Variants in TNFSF4 observed in about 807,000 individuals in gnomAD.
TNFSF4 encodes TNF superfamily member 4, also known as tumor necrosis factor ligand superfamily member 4.
A neutral mutation model predicts 7.3 loss-of-function variants in TNFSF4; 4 were observed. The ratio of observed to expected loss-of-function variants is 0.55; its 90% CI spans 0.27 to 1.25. The LOEUF (loss-of-function observed/expected upper bound fraction) is 1.25, where lower values mean the gene tolerates loss of function less well. Ranked by LOEUF, TNFSF4 falls within the 50% of genes most tolerant of loss-of-function variation. TNFSF4 has a pLI of 0.12. For missense variants in TNFSF4, 181 were observed against 208.8 expected (o/e 0.87, Z 0.82); for synonymous variants, 76 against 83.7 (o/e 0.91, Z 0.50).
At chr1:173,306,848 C>A in the TNFSF4 span, among the ~76,000 whole-genome samples, 1 of 151,888 alleles carries the variant, frequency 6.6e-6, no homozygotes, top group Non-Finnish European at 1.5e-5. Flanking sequence ...TGGATTCGAA[C>A]TTCCCTGACT....
At chr1:173,362,357 G>A in the TNFSF4 span, 2 of 342,542 alleles carry the variant, frequency 5.8e-6, no homozygotes, top group East Asian at 6.7e-5. Flanking sequence ...TACAGTTCAT[G>A]TTGCACTCAT....
chr1:173,448,808 C>T, the TNFSF4 span, among the ~76,000 whole-genome samples: 4 of 152,102 alleles, frequency 2.6e-5, no homozygotes, highest in Non-Finnish European at 5.9e-5. Context: ...GCCATCTGGG[C>T]GTATAAGTGC....
At chr1:173,374,855 T>C in the TNFSF4 span, among the ~76,000 whole-genome samples, 2 of 152,192 alleles carry the variant, frequency 1.3e-5, no homozygotes, top group African/African-American at 2.4e-5. Flanking sequence ...CCCCTACTTA[T>C]AGGGTTAGGA....
the TNFSF4 span, among the ~76,000 whole-genome samples, chr1:173,230,243 T>G: frequency 2.0e-5 from 3 of 152,194 alleles, no homozygotes; most frequent in Non-Finnish European, 2.9e-5. Flanking sequence ...CAGACCACAG[T>G]GCAATCAAAT....
At chr1:173,376,413 G>C in the TNFSF4 span, among the ~76,000 whole-genome samples, 1 of 152,138 alleles carries the variant, frequency 6.6e-6, no homozygotes, top group African/African-American at 2.4e-5. Flanking sequence ...CACAGGGAGG[G>C]GAACATCACA....
chr1:173,306,020 A>T, the TNFSF4 span, among the ~76,000 whole-genome samples: 1 of 151,894 alleles, frequency 6.6e-6, no homozygotes, highest in Non-Finnish European at 1.5e-5. Flanking sequence ...TCACTCTCAG[A>T]TAATAAAATA....
chr1:173,371,577 A>G, the TNFSF4 span, among the ~76,000 whole-genome samples: 2 of 152,150 alleles, frequency 1.3e-5, no homozygotes, highest in Non-Finnish European at 2.9e-5. Flanking sequence ...GTTACAGGAT[A>G]TTGTCAGACA....
At chr1:173,347,158 G>C in the TNFSF4 span, among the ~76,000 whole-genome samples, 1 of 152,200 alleles carries the variant, frequency 6.6e-6, no homozygotes, top group African/African-American at 2.4e-5. Flanking sequence ...CAGAGTCTGG[G>C]AGACAGGGGC....
downstream of TNFSF4, among the ~76,000 whole-genome samples, chr1:173,183,011 A>G (rs1557875141): frequency 6.6e-6 from 1 of 152,218 alleles, no homozygotes; most frequent in Non-Finnish European, 1.5e-5. Context: ...TTTTGTTTTC[A>G]AAAAAGATCA....
chr1:173,210,412 G>C (rs1650333999), upstream of TNFSF4, among the ~76,000 whole-genome samples: 1 of 152,166 alleles, frequency 6.6e-6, no homozygotes, highest in South Asian at 2.1e-4. Context: ...GGGCACTGGG[G>C]AGGGGCAGTG....
the TNFSF4 span, among the ~76,000 whole-genome samples, chr1:173,334,163 T>C: frequency 6.6e-6 from 1 of 152,140 alleles, no homozygotes; most frequent in African/African-American, 2.4e-5. Flanking sequence ...TAATTGGTTG[T>C]GGGTTTCTAG....
chr1:173,428,281 T>C, the TNFSF4 span, among the ~76,000 whole-genome samples: 1 of 152,180 alleles, frequency 6.6e-6, no homozygotes, highest in African/African-American at 2.4e-5. Context: ...TCCATAATGG[T>C]TCATCGTTGA....
At chr1:173,238,119 C>A in the TNFSF4 span, among the ~76,000 whole-genome samples, 3 of 152,164 alleles carry the variant, frequency 2.0e-5, no homozygotes, top group Non-Finnish European at 4.4e-5. Flanking sequence ...CTACAACCAT[C>A]TGATCTTTGA....
chr1:173,411,251 T>C, the TNFSF4 span, among the ~76,000 whole-genome samples: 1 of 152,168 alleles, frequency 6.6e-6, no homozygotes, highest in East Asian at 1.9e-4. Flanking sequence ...CTTTCTTTGC[T>C]GGACTAGTGT....
the TNFSF4 span, among the ~76,000 whole-genome samples, chr1:173,319,854 T>C: frequency 1.3e-5 from 2 of 152,010 alleles, no homozygotes; most frequent in African/African-American, 4.8e-5. Flanking sequence ...CCAAAGGTCA[T>C]AAACCTCAAA....
chr1:173,202,907 CA>C (rs1375787654), intron 1 of TNFSF4, among the ~76,000 whole-genome samples: 1 of 152,144 alleles, frequency 6.6e-6, no homozygotes, highest in Non-Finnish European at 1.5e-5. Context: ...TTAGCTGAAG[CA>C]TTATCTCCTC....
At chr1:173,192,768 TG>T (rs1649538812) in intron 1 of TNFSF4, among the ~76,000 whole-genome samples, 1 of 152,234 alleles carries the variant, frequency 6.6e-6, no homozygotes, top group Admixed American at 6.5e-5. Context: ...ACTACTTAGC[TG>T]TGTGACCTTG....
the TNFSF4 span, among the ~76,000 whole-genome samples, chr1:173,380,246 G>A: frequency 1.3e-5 from 2 of 152,076 alleles, no homozygotes; most frequent in African/African-American, 4.8e-5. Context: ...CCCTTATTAG[G>A]GAGGGACATA....
the TNFSF4 span, among the ~76,000 whole-genome samples, chr1:173,414,206 C>T: frequency 6.6e-6 from 1 of 152,166 alleles, no homozygotes; most frequent in Non-Finnish European, 1.5e-5. Context: ...AGTCTAAGGT[C>T]AAGATGCCAG....
Sources: gnomAD v4.1 joint callset for allele counts (sites outside exome capture counted in the v4.1 genomes callset) on GRCh38, gnomAD v4.1.1 for gene constraint, MANE v1.5 for transcripts, NCBI Gene and HGNC (gene_info 2026-07-23, HGNC 2026-07-21) for gene names.